SFI1: variants seen among roughly 807,000 people sequenced by gnomAD.
SFI1 encodes protein SFI1 homolog.
SFI1 carries 195 observed loss-of-function variants against 207.5 expected under a neutral mutation model. The observed-to-expected ratio is 0.94, with a 90% CI of 0.84 to 1.06. The LOEUF (loss-of-function observed/expected upper bound fraction) is 1.06, where lower values mean the gene tolerates loss of function less well. Ranked by LOEUF, SFI1 falls within the 50% of genes least tolerant of loss-of-function variation. The pLI is 0.00. For missense variants in SFI1, 1,634 were observed against 1,588.0 expected, an observed-to-expected ratio of 1.03 and a Z score of -0.49; for synonymous variants, 630 against 598.9, an observed-to-expected ratio of 1.05 and a Z score of -0.76.
chr22:31,548,866 ATATG>A (rs2060355458), intron 5 of SFI1, among the ~76,000 whole-genome samples: 1 of 152,070 alleles, frequency 6.6e-6, no homozygotes, highest in Non-Finnish European at 1.5e-5. Context: ...AACTAGGAAA[ATATG>A]AAGAGATGAA....
chr22:31,614,595 C>T (rs1468786525), intron 27 of SFI1, 194 bp from the exon 28 acceptor site: 4 of 709,504 alleles, frequency 5.6e-6, no homozygotes, highest in Non-Finnish European at 1.0e-5. Context: ...TGAAGCAGTC[C>T]CCTGGCGTCA....
intron 4 of SFI1, among the ~76,000 whole-genome samples, chr22:31,535,372 TAG>T (rs1282915723): frequency 6.6e-6 from 1 of 151,822 alleles, no homozygotes; most frequent in Non-Finnish European, 1.5e-5. Context: ...GTATTTTTAG[TAG>T]AGACAGCATT....
In SFI1 at chr22:31,550,310, A is replaced by G. The variant is rs369986616; in HGVS notation, c.506A>G (p.Gln169Arg). ...TGGAAGACCTATGTGCGTCAGCAGC[A>G]GGAGATGAGGAACAAGTACATTAGA... is the stretch of plus-strand genomic sequence containing the variant. Reference protein sequence around the residue: ...QTWKTYVRQQQEMRNKYIRAE... With the variant: ...QTWKTYVRQQREMRNKYIRAE... Residue 169 changes from glutamine (Q) to arginine (R), a missense_variant, in exon 6 of 33, where the codon CAG (glutamine) becomes CGG (arginine). Physicochemically the swap from Gln to Arg is conservative, Grantham distance 43. Transcript: ENST00000400288. 4.8e-5 allele frequency: 77 copies of G among 1,614,040 alleles called. No individual in the cohort carries two copies. Among genetic ancestry groups the G allele is most frequent in the Non-Finnish European group, 5.9e-5 (70 of 1,180,000 alleles).
Position 31,570,918 on chromosome 22 carries a change from C to G in SFI1, c.766-2140C>G, listed in dbSNP as rs1181397398. ...GGAAGGCTTTGTCAGACACTTCTGGCAGGTCAAGGGAGGTGAGGACCAAAA... is the reference window on the plus strand; with the variant it reads ...GGAAGGCTTTGTCAGACACTTCTGGGAGGTCAAGGGAGGTGAGGACCAAAA... On this transcript the variant is annotated intron_variant, in intron 8 of 32. Transcript: ENST00000400288. 2.6e-5 allele frequency among the ~76,000 whole-genome samples: 4 copies of G among 152,190 alleles called. No homozygotes were observed. In the East Asian group the frequency reaches 7.7e-4, roughly 29 times the overall value.
At chr22:31,541,916 C>G (rs1378522273) in intron 4 of SFI1, among the ~76,000 whole-genome samples, 1 of 151,518 alleles carries the variant, frequency 6.6e-6, no homozygotes, top group African/African-American at 2.4e-5. Context: ...TCCTGGCTAA[C>G]ATGGTGAAAC....
At chr22:31,553,715 G>A (rs922483189) in intron 6 of SFI1, among the ~76,000 whole-genome samples, 2 of 150,428 alleles carry the variant, frequency 1.3e-5, no homozygotes, top group Non-Finnish European at 2.9e-5. Flanking sequence ...TTTTGTCAAA[G>A]CATGATTTGC....
chr22:31,561,834 T>C (rs2061736812), intron 8 of SFI1, among the ~76,000 whole-genome samples: 1 of 152,212 alleles, frequency 6.6e-6, no homozygotes, highest in South Asian at 2.1e-4. Flanking sequence ...GCTTTTTTTG[T>C]CAATCATAAA....
At chr22:31,580,457 T>C in intron 12 of SFI1, 93 bp downstream of exon 12, 1 of 1,019,290 alleles carries the variant, frequency 9.8e-7, no homozygotes, top group East Asian at 2.7e-5. Context: ...AGAACTCTTT[T>C]TAAAAAAACT....
At chr22:31,551,804 T>G (rs866159473) in intron 6 of SFI1, among the ~76,000 whole-genome samples, 1 of 152,222 alleles carries the variant, frequency 6.6e-6, no homozygotes, top group African/African-American at 2.4e-5. Context: ...CACCAGTAAT[T>G]CACGAGAGTT....
chr22:31,554,499 G>A (rs766329889), intron 6 of SFI1, among the ~76,000 whole-genome samples: 2 of 150,402 alleles, frequency 1.3e-5, no homozygotes, highest in Non-Finnish European at 3.0e-5. Flanking sequence ...TAATAGAGAC[G>A]GGATTTCACA....
intron 12 of SFI1, among the ~76,000 whole-genome samples, chr22:31,581,287 C>CTT (rs11382099): frequency 0.054 from 7,888 of 145,008 alleles, 222 homozygotes; most frequent in South Asian, 0.084. Context: ...CCCAAATATA[C>CTT]TTTTTTTTTT....
At chr22:31,535,574 G>T (rs1008854866) in intron 4 of SFI1, among the ~76,000 whole-genome samples, 4 of 151,686 alleles carry the variant, frequency 2.6e-5, no homozygotes, top group Non-Finnish European at 5.9e-5. Context: ...CGCGATCTTG[G>T]CTCACTGCAA....
rs1326341035 is a variant in SFI1, at chr22:31,614,865, C to G, written c.3068+5C>G. ...GGAGCCTGCGCAGAGCCAGAGGTCC[C>G]TGGGGTGCAGCACCGTGGGCAGGCA... On this transcript the variant is annotated splice_donor_5th_base_variant and intron_variant, in intron 28 of 32. Transcript: ENST00000400288. The G allele has an allele frequency of 3.1e-6, 5 of 1,613,372 alleles. No homozygotes were observed. The highest frequency in any genetic ancestry group is 4.2e-6 in the Non-Finnish European group (5 of 1,179,896).
chr22:31,615,557 G>A (rs866714532), intron 29 of SFI1: 24 of 365,814 alleles, frequency 6.6e-5, no homozygotes, highest in Non-Finnish European at 1.0e-4. Context: ...TGCAGATCAC[G>A]TAGGGTCCTG....
At chr22:31,517,230 C>T (rs2146957239) in intron 2 of SFI1, among the ~76,000 whole-genome samples, 1 of 151,952 alleles carries the variant, frequency 6.6e-6, no homozygotes, top group Middle Eastern at 3.4e-3. Flanking sequence ...CTATTTCTTC[C>T]CTGATGTCAT....
intron 16 of SFI1, among the ~76,000 whole-genome samples, 153 bp downstream of exon 16, chr22:31,602,446 C>G (rs2068272712): frequency 6.6e-6 from 1 of 152,062 alleles, no homozygotes; most frequent in East Asian, 1.9e-4. Context: ...GGGCATCTGT[C>G]CTTTCTCAGT....
chr22:31,558,505 G>A (rs1198870288), intron 7 of SFI1, among the ~76,000 whole-genome samples: 1 of 148,774 alleles, frequency 6.7e-6, no homozygotes, highest in African/African-American at 2.5e-5. Context: ...GTCTCACACT[G>A]TTCCCCAGGC....
intron 7 of SFI1, chr22:31,560,012 A>G (rs1438926910): frequency 2.9e-6 from 1 of 341,630 alleles, no homozygotes; most frequent in African/African-American, 2.1e-5. Flanking sequence ...AATAAGTAAA[A>G]TGTTATTGGT....
intron 1 of SFI1, chr22:31,497,208 A>G (rs896559307): frequency 1.3e-5 from 2 of 152,118 alleles, no homozygotes; most frequent in Non-Finnish European, 2.9e-5. Flanking sequence ...GATGTGAGGG[A>G]CTTGAGTACA....
Sources: gnomAD v4.1 joint callset for allele counts (sites outside exome capture counted in the v4.1 genomes callset) on GRCh38, gnomAD v4.1.1 for gene constraint, MANE v1.5 for transcripts, NCBI Gene and HGNC (gene_info 2026-07-23, HGNC 2026-07-21) for gene names.